ATG7: variants seen among roughly 807,000 people sequenced by gnomAD.
The protein encoded by ATG7 is autophagy related 7.
A neutral mutation model predicts 82.4 loss-of-function variants in ATG7; 70 were observed. The ratio of observed to expected loss-of-function variants is 0.85; its 90% CI spans 0.70 to 1.04. The LOEUF (loss-of-function observed/expected upper bound fraction) is 1.04. Ranked by LOEUF, ATG7 falls within the 50% of genes least tolerant of loss-of-function variation. The pLI, the probability that ATG7 is intolerant of heterozygous loss-of-function variation, is 0.00. For synonymous variants in ATG7, 287 were observed against 313.0 expected (o/e 0.92, Z 0.88); for missense variants, 792 against 864.3 (o/e 0.92, Z 1.05).
intron 11 of ATG7, among the ~76,000 whole-genome samples, chr3:11,335,614 T>C (rs1952324889): frequency 6.6e-6 from 1 of 152,204 alleles, no homozygotes; most frequent in South Asian, 2.1e-4. Flanking sequence ...AGAGGCAGTT[T>C]TCTTTCCACT....
the ATG7 span, chr3:11,564,733 C>G: frequency 2.7e-6 from 4 of 1,471,110 alleles, no homozygotes; most frequent in African/African-American, 6.5e-5. Flanking sequence ...GCTCGGGGCT[C>G]TCCATCCAGC....
intron 20 of ATG7, among the ~76,000 whole-genome samples, chr3:11,428,277 A>G (rs1402251706): frequency 1.3e-5 from 2 of 152,232 alleles, no homozygotes; most frequent in Admixed American, 1.3e-4. Context: ...GCCAGGCCCA[A>G]TACTGGACCA....
chr3:11,294,133 A>G (rs1016201656), intron 3 of ATG7, among the ~76,000 whole-genome samples: 2 of 152,134 alleles, frequency 1.3e-5, no homozygotes, highest in African/African-American at 4.8e-5. Context: ...ATTGTAGAGG[A>G]AAAGAGGGAA....
chr3:11,456,542 A>G (rs2085734229), intron 20 of ATG7, among the ~76,000 whole-genome samples: 1 of 152,024 alleles, frequency 6.6e-6, no homozygotes, highest in African/African-American at 2.4e-5. Context: ...TTTTTGTTCT[A>G]TTCTTTTGGC....
intron 1 of ATG7, among the ~76,000 whole-genome samples, chr3:11,275,308 C>T (rs1298045352): frequency 1.3e-5 from 2 of 151,650 alleles, no homozygotes; most frequent in African/African-American, 4.9e-5. Context: ...CACTTCTACC[C>T]ATGGAAATGA....
At chr3:11,364,180 C>T (rs2076450926) in intron 17 of ATG7, among the ~76,000 whole-genome samples, 1 of 152,160 alleles carries the variant, frequency 6.6e-6, no homozygotes, top group South Asian at 2.1e-4. Context: ...ACTTTTATTT[C>T]TTCCATTTCA....
chr3:11,376,579 A>G (rs1019073367), intron 18 of ATG7, among the ~76,000 whole-genome samples: 1 of 152,170 alleles, frequency 6.6e-6, no homozygotes, highest in Non-Finnish European at 1.5e-5. Flanking sequence ...AAGCTCAGGA[A>G]ATCAAGAATA....
In ATG7 at chr3:11,481,880, G is replaced by A. The variant is rs144233748; in HGVS notation, c.2079+54954G>A. Among the ~76,000 whole-genome samples, 264 of 152,308 alleles carry A rather than the reference G, an allele frequency of 1.7e-3. 1 individual carries two copies. Among genetic ancestry groups the A allele is most frequent in the African/African-American group, 5.4e-3 (226 of 41,568 alleles). On this transcript the variant is annotated intron_variant, in intron 20 of 20. Coordinates refer to ENST00000693202, the MANE Select transcript of ATG7 (RefSeq NM_001349232.2). ...TGGGAGTGAAGGCCAAAGGCCTTTG[G>A]CCTGGCAAGAGTTGTCAGGCCCAAA...
rs1243988819 is a variant in ATG7, at chr3:11,556,754, C to T, written c.*1911C>T. ...TGTACATTCTTTACGCACAGCGTAA[C>T]GATGGTCTCAAAATCACCCATATAG... is the stretch of plus-strand genomic sequence containing the variant. On this transcript the variant is annotated 3_prime_UTR_variant, in exon 21 of 21. Transcript: ENST00000693202. The T allele has an allele frequency of 1.3e-5, 2 of 152,624 alleles. No homozygotes were observed. The highest frequency in any genetic ancestry group is 1.9e-4 in the East Asian group (1 of 5,336). 9.5% of individuals were successfully genotyped at this position (152,624 alleles called of 1,614,324 possible).
At chr3:11,514,932 C>T (rs764849159) in intron 20 of ATG7, among the ~76,000 whole-genome samples, 8 of 151,042 alleles carry the variant, frequency 5.3e-5, no homozygotes, top group Non-Finnish European at 1.2e-4. Flanking sequence ...CCTCCACCTA[C>T]CAGGTTCAAG....
intron 20 of ATG7, among the ~76,000 whole-genome samples, chr3:11,486,206 C>T (rs2089630500): frequency 6.6e-6 from 1 of 152,174 alleles, no homozygotes; most frequent in Non-Finnish European, 1.5e-5. Context: ...TTTGTGTCCT[C>T]TTTTATTTCA....
At chr3:11,561,891 C>CTT (rs35380668), downstream of ATG7, among the ~76,000 whole-genome samples, 14,297 of 88,594 alleles carry the variant, frequency 0.16, 1,359 homozygotes, top group Non-Finnish European at 0.18. Flanking sequence ...CTGCGCCAAA[C>CTT]TTTTTTTTTT....
chr3:11,411,487 G>T (rs936436113), intron 19 of ATG7, among the ~76,000 whole-genome samples: 1 of 151,764 alleles, frequency 6.6e-6, no homozygotes, highest in Admixed American at 6.6e-5. Context: ...CAGGCATGGT[G>T]GTGTGTGCCT....
At chr3:11,451,812 AC>A (rs2085177558) in intron 20 of ATG7, among the ~76,000 whole-genome samples, 1 of 149,668 alleles carries the variant, frequency 6.7e-6, no homozygotes, top group Non-Finnish European at 1.5e-5. Context: ...AATTAAAAAA[AC>A]CCCAGGCTGC....
At chr3:11,554,049 TG>T (rs1377826032) in intron 20 of ATG7, among the ~76,000 whole-genome samples, 12 of 152,138 alleles carry the variant, frequency 7.9e-5, no homozygotes, top group African/African-American at 2.7e-4. Context: ...GCTCTCTCCC[TG>T]GGGGCTGACA....
At chr3:11,438,801 G>A (rs1213879153) in intron 20 of ATG7, among the ~76,000 whole-genome samples, 1 of 152,134 alleles carries the variant, frequency 6.6e-6, no homozygotes, top group Non-Finnish European at 1.5e-5. Context: ...TGGAGATCAG[G>A]AAGTGGAGAA....
rs1411075483 is a variant in ATG7, at chr3:11,533,539, T to TTAAA, written c.2080-21272_2080-21271insTAAA. Among the ~76,000 whole-genome samples, 334 of 126,660 alleles carry TTAAA rather than the reference T, an allele frequency of 2.6e-3. 2 individuals carry two copies. Among genetic ancestry groups the TTAAA allele is most frequent in the African/African-American group, 9.1e-3 (302 of 33,216 alleles). The allele number at this position is 126,660 out of a possible 152,430, so 83.1% of individuals were successfully genotyped here. On this transcript the variant is annotated intron_variant, in intron 20 of 20. Coordinates refer to ENST00000693202, the MANE Select transcript of ATG7 (RefSeq NM_001349232.2). ...CCACAGAGAAAAATCCCCCTTCTGT[T>TTAAA]AAAAAAAAAAAAAAAAAGCCATTAC...
At chr3:11,475,131 T>G (rs539165604) in intron 20 of ATG7, among the ~76,000 whole-genome samples, 1 of 152,006 alleles carries the variant, frequency 6.6e-6, no homozygotes, top group South Asian at 2.1e-4. Context: ...CAAGGTAGAT[T>G]ATATTGTTAT....
intron 20 of ATG7, among the ~76,000 whole-genome samples, chr3:11,502,843 G>C (rs1216143490): frequency 6.6e-6 from 1 of 152,098 alleles, no homozygotes; most frequent in African/African-American, 2.4e-5. Context: ...TAGATCCCCA[G>C]GCCCCCACCT....
Sources: allele counts gnomAD v4.1 joint callset (sites outside exome capture counted in the v4.1 genomes callset), GRCh38; gene constraint gnomAD v4.1.1; transcripts MANE v1.5; gene names NCBI Gene and HGNC (gene_info 2026-07-23, HGNC 2026-07-21).